Variants in RNMT observed in about 807,000 individuals in gnomAD.
The protein encoded by RNMT is mRNA cap guanine-N(7) methyltransferase.
RNMT carries 27 observed loss-of-function variants against 56.0 expected under a neutral mutation model. That is an observed-to-expected ratio of 0.48 (90% CI 0.36 to 0.67). The LOEUF (loss-of-function observed/expected upper bound fraction) is 0.67. Among genes scored for constraint, RNMT ranks in the 30% least tolerant of loss-of-function variants. The pLI is 0.00. For synonymous variants in RNMT, 184 were observed against 176.2 expected (o/e 1.04, Z -0.35); for missense variants, 519 against 552.1 (o/e 0.94, Z 0.60).
rs1477486272 is a variant in RNMT at position 13,763,761 on chromosome 18, A to G, written c.*3782A>G. 2.0e-5 allele frequency: 3 copies of G among 152,592 alleles called. No individual in the cohort carries two copies. The highest frequency in any genetic ancestry group is 7.2e-5 in the African/African-American group (3 of 41,448). The allele number at this position is 152,592 out of a possible 1,614,324, so 9.5% of individuals were successfully genotyped here. A position where few individuals can be genotyped will look rare whatever the true frequency, so the allele number is the denominator to read the frequency against. ...CTCCTCAAGCTGGGCCTGCCCTCCA[A>G]GTGCTTGTTATATACCTCCACGGGT... On this transcript the variant is annotated 3_prime_UTR_variant, in exon 12 of 12. Coordinates refer to ENST00000383314, the MANE Select transcript of RNMT (RefSeq NM_003799.3).
At chr18:13,750,169 C>T (rs981992877) in intron 9 of RNMT, among the ~76,000 whole-genome samples, 2 of 152,138 alleles carry the variant, frequency 1.3e-5, no homozygotes, top group African/African-American at 4.8e-5. Context: ...CCAGCATACC[C>T]TTAAAAACAC....
intron 2 of RNMT, among the ~76,000 whole-genome samples, chr18:13,731,236 G>T (rs117646298): frequency 1.0e-3 from 157 of 152,134 alleles, no homozygotes; most frequent in African/African-American, 3.7e-3. Context: ...GGGAAATCGC[G>T]TCTCAGCTAA....
In RNMT at chr18:13,761,863, A is replaced by ACCCC; in HGVS notation, c.*1884_*1885insCCCC. The ACCCC allele has an allele frequency of 3.0e-6, 1 of 334,476 alleles. No homozygotes were observed. Among genetic ancestry groups the ACCCC allele is most frequent in the Non-Finnish European group, 3.5e-6 (1 of 286,792 alleles). 20.7% of individuals were successfully genotyped at this position (334,476 alleles called of 1,614,324 possible). Reference sequence around the variant, plus strand: ...CCTACACCCCCCTCCCCCCGGCCCCAAGCCCCTGTGTCTCCTTGTTACAAT... The same window carrying ACCCC: ...CCTACACCCCCCTCCCCCCGGCCCCACCCCAGCCCCTGTGTCTCCTTGTTACAAT... On this transcript the variant is annotated 3_prime_UTR_variant, in exon 12 of 12. Transcript: ENST00000383314.
At chr18:13,729,895 G>A (rs937886511) in intron 1 of RNMT, among the ~76,000 whole-genome samples, 2 of 151,936 alleles carry the variant, frequency 1.3e-5, no homozygotes, top group African/African-American at 4.8e-5. Context: ...GACCTCCTGG[G>A]CTCAGGTGAT....
Position 13,741,552 on chromosome 18 carries a change from G to A in RNMT, c.835G>A (p.Asp279Asn). The change falls in exon 7 of 12, where the codon GAC becomes AAC. Residue 279 changes from aspartate (D) to asparagine (N), a missense_variant. By Grantham distance (23) the Asp-to-Asn change is conservative. Transcript: ENST00000383314. ...DKFRDPQMCFDICSCQFVCHY... is the reference protein window; with the variant it reads ...DKFRDPQMCFNICSCQFVCHY... ...ATTTCGTGACCCACAAATGTGTTTT[G>A]ACATCTGCAGTTGTCAGTTTGTCTG... 1 of 1,613,398 alleles carries A rather than the reference G, an allele frequency of 6.2e-7. No homozygotes were observed. The highest frequency in any genetic ancestry group is 1.1e-5 in the South Asian group (1 of 90,786).
intron 2 of RNMT, among the ~76,000 whole-genome samples, 177 bp downstream of exon 2, chr18:13,730,932 G>A (rs926287674): frequency 6.6e-6 from 1 of 152,160 alleles, no homozygotes; most frequent in African/African-American, 2.4e-5. Flanking sequence ...CATGTGTATC[G>A]CCACTTCATT....
rs372492685 is a variant in RNMT, at chr18:13,736,917, G to A, written c.554-93G>A. 44 of 1,100,284 alleles carry A rather than the reference G, an allele frequency of 4.0e-5. No homozygotes were observed. In the East Asian group the frequency reaches 8.7e-4, roughly 22 times the overall value. The allele number at this position is 1,100,284 out of a possible 1,614,324, so 68.2% of individuals were successfully genotyped here. A position where few individuals can be genotyped will look rare whatever the true frequency, so the allele number is the denominator to read the frequency against. On this transcript the variant is annotated intron_variant, in intron 4 of 11. Coordinates refer to ENST00000383314, the MANE Select transcript of RNMT (RefSeq NM_003799.3). Reference sequence around the variant, plus strand: ...TGTGTAATAGTTTATGTTACATATTGGGCAAAAGATAGTAGGTTATTAGAG... The same window carrying A: ...TGTGTAATAGTTTATGTTACATATTAGGCAAAAGATAGTAGGTTATTAGAG...
At chr18:13,751,978 G>A (rs1027186994) in intron 9 of RNMT, among the ~76,000 whole-genome samples, 7 of 152,036 alleles carry the variant, frequency 4.6e-5, no homozygotes, top group Non-Finnish European at 1.0e-4. Flanking sequence ...CATGGGGTGG[G>A]GGCCTGGGGG....
At chr18:13,751,030 A>G (rs1398404547) in intron 9 of RNMT, among the ~76,000 whole-genome samples, 4 of 152,232 alleles carry the variant, frequency 2.6e-5, no homozygotes, top group Non-Finnish European at 4.4e-5. Flanking sequence ...AAACCTAGGC[A>G]ATACCATTCA....
rs1244498263 is a variant in RNMT at position 13,760,802 on chromosome 18, C to A, written c.*823C>A. On this transcript the variant is annotated 3_prime_UTR_variant, in exon 12 of 12. Transcript: ENST00000383314. ...TTTTCCAAATTTATACATGGAACTG[C>A]AGTAGGAATATTCTCACCATCTGAT... 36 of 985,266 alleles carry A rather than the reference C, an allele frequency of 3.7e-5. No individual in the cohort carries two copies. Among genetic ancestry groups the A allele is most frequent in the Non-Finnish European group, 4.3e-5 (36 of 829,904 alleles). 61.0% of individuals were successfully genotyped at this position (985,266 alleles called of 1,614,324 possible).
In RNMT at chr18:13,731,887, C is replaced by G; in HGVS notation, c.370C>G (p.Gln124Glu). 6.2e-7 allele frequency: 1 copy of G among 1,602,874 alleles called. No homozygotes were observed. Among genetic ancestry groups the G allele is most frequent in the African/African-American group, 1.4e-5 (1 of 73,952 alleles). The stretch of plus-strand genomic sequence containing the variant: ...TAAATCTTCTACTGGAGATGGCACT[C>G]AAAATAAGAGAAAAATAGCACTTGA... ...KDKSSTGDGTQNKRKIALEDV... is the reference protein window; with the variant it reads ...KDKSSTGDGTENKRKIALEDV... The change falls in exon 3 of 12, where the codon CAA becomes GAA. Residue 124 changes from glutamine to glutamate, a missense_variant. Transcript: ENST00000383314.
chr18:13,733,415 T>C (rs538352990), intron 3 of RNMT, among the ~76,000 whole-genome samples: 1 of 152,180 alleles, frequency 6.6e-6, no homozygotes, highest in Non-Finnish European at 1.5e-5. Flanking sequence ...TCTCGCTCTG[T>C]TGCCCATGCT....
At position 13,760,028 on chromosome 18, in the gene RNMT, T is replaced by G. The variant is rs202121900; in HGVS notation, c.*49T>G. On this transcript the variant is annotated 3_prime_UTR_variant, in exon 12 of 12. Transcript: ENST00000383314. ...GGGCCGTGTTCTGTCCTGCACAAATTTGAACAACTCATCTCGATATATTTG... is the reference window on the plus strand; with the variant it reads ...GGGCCGTGTTCTGTCCTGCACAAATGTGAACAACTCATCTCGATATATTTG... 1.2e-4 allele frequency: 193 copies of G among 1,600,498 alleles called. 2 individuals are homozygous for G. The South Asian group carries it at 1.2e-3, about 10-fold the overall frequency.
intron 4 of RNMT, among the ~76,000 whole-genome samples, chr18:13,735,041 TAAAATG>T (rs1480284031): frequency 6.6e-6 from 1 of 152,132 alleles, no homozygotes; most frequent in African/African-American, 2.4e-5. Context: ...CCTTTGAAAT[TAAAATG>T]AAAGTGAACA....
chr18:13,745,396 A>G (rs1336216090), intron 8 of RNMT, among the ~76,000 whole-genome samples: 7 of 152,198 alleles, frequency 4.6e-5, no homozygotes, highest in Non-Finnish European at 8.8e-5. Flanking sequence ...ATGGTGCCAA[A>G]TGCAGGAGGT....
rs1171067872 is a variant in RNMT at position 13,759,972 on chromosome 18, A to G, written c.1424A>G (p.Gln475Arg). Residue 475 changes from glutamine (Q) to arginine (R), a missense_variant, in exon 12 of 12, where the codon CAG (glutamine) becomes CGG (arginine). Gln to Arg is a conservative substitution (Grantham distance 43). Coordinates refer to ENST00000383314, the MANE Select transcript of RNMT (RefSeq NM_003799.3). ...TACTTGGTGTTTGCCTTTGAGAAAC[A>G]GCAGTGAGCACATAGGCAGTAGTCC... Reference protein sequence around the residue: ...SIYLVFAFEKQQ With the variant: ...SIYLVFAFEKRQ The G allele has an allele frequency of 6.2e-7, 1 of 1,613,382 alleles. No individual in the cohort carries two copies. Among genetic ancestry groups the G allele is most frequent in the South Asian group, 1.1e-5 (1 of 90,956 alleles).
At position 13,762,313 on chromosome 18, in the gene RNMT, C is replaced by A; in HGVS notation, c.*2334C>A. ...GGCCTAGAATATACTTGAGAAAGCA[C>A]TAGTGGCTTGTGTTCAGGGAGAGGA... is the stretch of plus-strand genomic sequence containing the variant. On this transcript the variant is annotated 3_prime_UTR_variant, in exon 12 of 12. Coordinates refer to ENST00000383314, the MANE Select transcript of RNMT (RefSeq NM_003799.3). 1.1e-6 allele frequency: 1 copy of A among 891,704 alleles called. No homozygotes were observed. Among genetic ancestry groups the A allele is most frequent in the Non-Finnish European group, 1.7e-6 (1 of 605,898 alleles). The allele number at this position is 891,704 out of a possible 1,614,324, so 55.2% of individuals were successfully genotyped here. A position where few individuals can be genotyped will look rare whatever the true frequency, so the allele number is the denominator to read the frequency against.
In RNMT at chr18:13,762,649, G is replaced by A. The variant is rs751553215; in HGVS notation, c.*2670G>A. On this transcript the variant is annotated 3_prime_UTR_variant, in exon 12 of 12. Coordinates refer to ENST00000383314, the MANE Select transcript of RNMT (RefSeq NM_003799.3). ...ACTTGGAAATTGAGGGAGCATGACCGCTCTCTGACTTCACATGTTAATAGA... is the reference window on the plus strand; with the variant it reads ...ACTTGGAAATTGAGGGAGCATGACCACTCTCTGACTTCACATGTTAATAGA... 2.6e-5 allele frequency: 5 copies of A among 195,348 alleles called. No homozygotes were observed. The highest frequency in any genetic ancestry group is 7.1e-5 in the African/African-American group (3 of 42,502). 12.1% of individuals were successfully genotyped at this position (195,348 alleles called of 1,614,324 possible).
chr18:13,747,908 T>G (rs1285683415), intron 9 of RNMT, among the ~76,000 whole-genome samples: 1 of 152,222 alleles, frequency 6.6e-6, no homozygotes, highest in Non-Finnish European at 1.5e-5. Flanking sequence ...CTTTAGCATA[T>G]TGCCTTTATT....
Sources: allele counts gnomAD v4.1 joint callset (sites outside exome capture counted in the v4.1 genomes callset), GRCh38; gene constraint gnomAD v4.1.1; transcripts MANE v1.5; gene names NCBI Gene and HGNC (gene_info 2026-07-23, HGNC 2026-07-21).